PROM1: variants seen among roughly 807,000 people sequenced by gnomAD.
PROM1 encodes the protein prominin 1, also known as prominin-1.
In PROM1, 105 loss-of-function variants were observed where a neutral mutation model predicts 116.9. That is an observed-to-expected ratio of 0.90 (90% CI 0.77 to 1.06). The LOEUF (loss-of-function observed/expected upper bound fraction) is 1.06. PROM1 is among the 50% of genes least tolerant of loss of function. PROM1 has a pLI of 0.00. For missense variants in PROM1, 1,122 were observed against 1,045.2 expected, an observed-to-expected ratio of 1.07 and a Z score of -1.01; for synonymous variants, 393 against 387.0, an observed-to-expected ratio of 1.02 and a Z score of -0.18.
intron 26 of PROM1, 133 bp from the exon 27 acceptor site, chr4:15,971,215 A>G (rs927031853): frequency 4.5e-6 from 3 of 665,862 alleles, no homozygotes; most frequent in African/African-American, 1.8e-5. Flanking sequence ...AAAGTTTATC[A>G]AGAAGAATGT....
chr4:16,039,715 CAAAAA>C (rs34158088), intron 2 of PROM1, among the ~76,000 whole-genome samples: 1 of 133,926 alleles, frequency 7.5e-6, no homozygotes, highest in African/African-American at 2.7e-5. Flanking sequence ...TCCAGACTGT[CAAAAA>C]AAAAAAAAAA....
chr4:16,004,363 T>G (rs1724637612), intron 13 of PROM1, among the ~76,000 whole-genome samples: 1 of 152,238 alleles, frequency 6.6e-6, no homozygotes, highest in Non-Finnish European at 1.5e-5. Context: ...TAAGGTAGCT[T>G]TTAGCCTCCA....
Position 16,016,242 on chromosome 4 carries a change from T to C in PROM1, c.1003-2A>G. ...AAGTTCTGCATCCACGGGTGGAAGCTGAAAATTTATAAAACAAAATATAAG... is the reference window on the plus strand; with the variant it reads ...AAGTTCTGCATCCACGGGTGGAAGCCGAAAATTTATAAAACAAAATATAAG... On this transcript the variant is annotated splice_acceptor_variant, in intron 9 of 27. Coordinates refer to ENST00000447510, the MANE Select transcript of PROM1 (RefSeq NM_006017.3). LOFTEE classifies it high-confidence loss of function. The C allele has an allele frequency of 6.5e-7, 1 of 1,546,754 alleles. No individual in the cohort carries two copies. Among genetic ancestry groups the C allele is most frequent in the Non-Finnish European group, 8.7e-7 (1 of 1,145,314 alleles).
intron 23 of PROM1, among the ~76,000 whole-genome samples, chr4:15,983,073 T>G (rs547676555): frequency 1.3e-5 from 2 of 152,060 alleles, no homozygotes; most frequent in East Asian, 3.9e-4. Context: ...GAGTCTAGAG[T>G]GTGCTGGAGA....
intron 7 of PROM1, 141 bp from the exon 8 acceptor site, chr4:16,023,556 G>T: frequency 1.6e-6 from 1 of 627,374 alleles, no homozygotes; most frequent in Non-Finnish European, 2.8e-6. Context: ...GGTTAAACTC[G>T]TGTATGGAGA....
chr4:16,050,272 C>CCA (rs554201356), intron 2 of PROM1, among the ~76,000 whole-genome samples: 235 of 148,192 alleles, frequency 1.6e-3, no homozygotes, highest in South Asian at 0.013. Context: ...AAAAAAAAAA[C>CCA]CACACACACA....
chr4:15,999,687 TGA>T (rs1292905459), intron 14 of PROM1, among the ~76,000 whole-genome samples: 3 of 152,216 alleles, frequency 2.0e-5, no homozygotes, highest in African/African-American at 7.2e-5. Context: ...GGAGATCATT[TGA>T]CCTGCTGGTG....
intron 2 of PROM1, among the ~76,000 whole-genome samples, chr4:16,040,982 G>A (rs1016258441): frequency 1.3e-4 from 20 of 152,114 alleles, no homozygotes; most frequent in Non-Finnish European, 2.6e-4. Flanking sequence ...CTCAGGCCAC[G>A]TGGACTGGGG....
chr4:16,026,551 C>T (rs959731871), intron 5 of PROM1, among the ~76,000 whole-genome samples: 1 of 152,062 alleles, frequency 6.6e-6, no homozygotes, highest in Admixed American at 6.5e-5. Context: ...TCAGCAAAAG[C>T]AATGTCTTGA....
intron 23 of PROM1, 125 bp downstream of exon 23, chr4:15,984,138 A>G: frequency 1.2e-6 from 1 of 826,646 alleles, no homozygotes; most frequent in Non-Finnish European, 1.9e-6. Context: ...ACTGATCAAA[A>G]TATTACATTT....
At chr4:16,025,148 C>A in intron 6 of PROM1, 44 bp downstream of exon 6, 3 of 1,584,552 alleles carry the variant, frequency 1.9e-6, no homozygotes, top group South Asian at 2.3e-5. Context: ...TCCAAAAAAC[C>A]AAAAATATAA....
chr4:16,004,828 TTTTTCTTC>T lies in PROM1; in HGVS notation c.1454+1702_1454+1709del, dbSNP rs1392772896. Among the ~76,000 whole-genome samples the T allele has an allele frequency of 1.0e-3, 81 of 77,928 alleles. 2 individuals are homozygous for T. Among genetic ancestry groups the T allele is most frequent in the African/African-American group, 3.2e-3 (78 of 24,196 alleles). The allele number at this position is 77,928 out of a possible 152,430, so 51.1% of individuals were successfully genotyped here. On this transcript the variant is annotated intron_variant, in intron 13 of 27. Transcript: ENST00000447510. ...TAATCTTTCTTTCTTTCTTTCTTTCTTTTTCTTCCTTCCTTCCTTCCTTCCTTCCTTCC... is the reference window on the plus strand; with the variant it reads ...TAATCTTTCTTTCTTTCTTTCTTTCTCTTCCTTCCTTCCTTCCTTCCTTCC...
At chr4:16,035,801 A>C in intron 3 of PROM1, 40 bp from the exon 4 acceptor site, 1 of 1,591,444 alleles carries the variant, frequency 6.3e-7, no homozygotes, top group Non-Finnish European at 8.6e-7. Context: ...TGGCAGAGGC[A>C]GCATGCATCA....
chr4:16,066,044 G>A (rs554433612), intron 2 of PROM1, among the ~76,000 whole-genome samples: 117 of 152,274 alleles, frequency 7.7e-4, no homozygotes, highest in African/African-American at 2.6e-3. Context: ...GCCATCAGAA[G>A]CTAGAAGAGG....
chr4:16,035,412 C>T (rs960664873), intron 4 of PROM1, among the ~76,000 whole-genome samples: 2 of 152,190 alleles, frequency 1.3e-5, no homozygotes, highest in Non-Finnish European at 2.9e-5. Flanking sequence ...GATAACACAG[C>T]CTTTCTAATG....
Position 16,016,235 on chromosome 4 carries a change from T to C in PROM1, c.1008A>G (p.Pro336=). 6.5e-7 allele frequency: 1 copy of C among 1,549,162 alleles called. No individual in the cohort carries two copies. Among genetic ancestry groups the C allele is most frequent in the Non-Finnish European group, 8.7e-7 (1 of 1,146,594 alleles). The change falls in exon 10 of 28, where the codon CCA becomes CCG. Residue 336 remains proline, a synonymous_variant. Coordinates refer to ENST00000447510, the MANE Select transcript of PROM1 (RefSeq NM_006017.3). ...LNSNPELRQL[P]PVDAELDNVN... ...CGTTGTCAAGTTCTGCATCCACGGG[T>C]GGAAGCTGAAAATTTATAAAACAAA...
At chr4:16,072,132 C>T (rs142464009) in intron 2 of PROM1, among the ~76,000 whole-genome samples, 1 of 152,136 alleles carries the variant, frequency 6.6e-6, no homozygotes, top group Non-Finnish European at 1.5e-5. Context: ...CTAATTTAAA[C>T]TAATCTCTTC....
intron 2 of PROM1, among the ~76,000 whole-genome samples, chr4:16,067,200 G>A (rs762593085): frequency 2.5e-4 from 38 of 152,218 alleles, no homozygotes; most frequent in Non-Finnish European, 4.1e-4. Context: ...AAGAGCCTAC[G>A]TTTGGAGGGC....
intron 20 of PROM1, among the ~76,000 whole-genome samples, chr4:15,986,256 G>C (rs955598401): frequency 7.2e-5 from 11 of 152,166 alleles, no homozygotes; most frequent in African/African-American, 2.2e-4. Context: ...GCTAGTCCTT[G>C]ATAGGAATGG....
Sources: allele counts gnomAD v4.1 joint callset (sites outside exome capture counted in the v4.1 genomes callset), GRCh38; gene constraint gnomAD v4.1.1; transcripts MANE v1.5; gene names NCBI Gene and HGNC (gene_info 2026-07-23, HGNC 2026-07-21).